GLIS3: variants seen among roughly 807,000 people sequenced by gnomAD.
GLIS3 encodes the protein zinc finger protein GLIS3.
In GLIS3, 53 loss-of-function variants were observed where a neutral mutation model predicts 78.6. The observed-to-expected ratio is 0.67, with a 90% CI of 0.54 to 0.85. GLIS3 has a LOEUF of 0.85. Ranked by LOEUF, GLIS3 falls within the 40% of genes least tolerant of loss-of-function variation. The pLI is 0.00. For synonymous variants in GLIS3, 684 were observed against 509.9 expected, an observed-to-expected ratio of 1.34 and a Z score of -4.60; for missense variants, 1,703 against 1,231.1, an observed-to-expected ratio of 1.38 and a Z score of -5.74.
Position 3,827,843 on chromosome 9 carries a change from A to AGG in GLIS3, c.*427_*428dup, listed in dbSNP as rs1817808009. 2 of 259,820 alleles carry AGG rather than the reference A, an allele frequency of 7.7e-6. No individual in the cohort carries two copies. The highest frequency in any genetic ancestry group is 1.9e-4 in the East Asian group (2 of 10,618). The allele number at this position is 259,820 out of a possible 1,614,324, so 16.1% of individuals were successfully genotyped here. On this transcript the variant is annotated 3_prime_UTR_variant, in exon 11 of 11. Transcript: ENST00000381971. Reference sequence around the variant, plus strand: ...GCCTGGCTTTGCATCAGGAGCAGCAAGGGTGAGGATTAGGTGAGGCAGGTC... The same window carrying AGG: ...GCCTGGCTTTGCATCAGGAGCAGCAAGGGGGTGAGGATTAGGTGAGGCAGGTC...
chr9:4,368,487 G>A, the GLIS3 span, among the ~76,000 whole-genome samples: 3 of 152,122 alleles, frequency 2.0e-5, no homozygotes, highest in Non-Finnish European at 2.9e-5. Context: ...CGGGACTACA[G>A]GTGCCCACCA....
intron 1 of GLIS3, among the ~76,000 whole-genome samples, chr9:4,288,216 G>A (rs1231277480): frequency 6.6e-6 from 1 of 152,170 alleles, no homozygotes; most frequent in Non-Finnish European, 1.5e-5. Flanking sequence ...TAATGTCTCT[G>A]TACTTTGCCA....
At chr9:3,964,170 G>A (rs191942300) in intron 4 of GLIS3, among the ~76,000 whole-genome samples, 1 of 151,698 alleles carries the variant, frequency 6.6e-6, no homozygotes, top group East Asian at 1.9e-4. Context: ...CAGATTGATG[G>A]GACTAATTTA....
Position 4,286,526 on chromosome 9 carries a change from G to T in GLIS3, c.-98-3C>A. 7.0e-7 allele frequency: 1 copy of T among 1,419,368 alleles called. No individual in the cohort carries two copies. The highest frequency in any genetic ancestry group is 9.7e-7 in the Non-Finnish European group (1 of 1,025,828). The allele number at this position is 1,419,368 out of a possible 1,614,324, so 87.9% of individuals were successfully genotyped here. On this transcript the variant is annotated splice_region_variant and splice_polypyrimidine_tract_variant and intron_variant, in intron 1 of 10. Transcript: ENST00000381971. ...TATCCATGGTGTGGGTTATAAGCCT[G>T]TTTAAAAAAATAAACGCAGGCATTT...
chr9:4,093,570 C>T (rs1342475541), intron 4 of GLIS3, among the ~76,000 whole-genome samples: 1 of 152,128 alleles, frequency 6.6e-6, no homozygotes, highest in East Asian at 1.9e-4. Context: ...TTTAAACTGG[C>T]AAGGAGCAAA....
intron 4 of GLIS3, among the ~76,000 whole-genome samples, chr9:4,047,643 G>A (rs1825362712): frequency 6.6e-6 from 1 of 152,150 alleles, no homozygotes; most frequent in Admixed American, 6.5e-5. Context: ...CTGACCTGAA[G>A]AAGCTCACAA....
chr9:3,898,857 GA>G, intron 6 of GLIS3, 22 bp from the exon 7 acceptor site: 1 of 1,613,650 alleles, frequency 6.2e-7, no homozygotes, highest in Non-Finnish European at 8.5e-7. Flanking sequence ...AAACGGAAGA[GA>G]CATCGATAAG....
At chr9:3,971,928 T>C (rs1818409914) in intron 4 of GLIS3, among the ~76,000 whole-genome samples, 1 of 152,276 alleles carries the variant, frequency 6.6e-6, no homozygotes, top group South Asian at 2.1e-4. Flanking sequence ...ATTGCTGTTT[T>C]GAGTGGCATG....
intron 4 of GLIS3, among the ~76,000 whole-genome samples, chr9:4,033,714 C>A (rs1038937020): frequency 1.3e-5 from 2 of 151,978 alleles, no homozygotes; most frequent in Non-Finnish European, 2.9e-5. Context: ...AAACAGGGAC[C>A]TATTTTGTCC....
intron 2 of GLIS3, among the ~76,000 whole-genome samples, chr9:4,166,758 C>G (rs887122478): frequency 5.3e-5 from 8 of 152,234 alleles, no homozygotes; most frequent in Non-Finnish European, 5.9e-5. Flanking sequence ...AACAGAGGGT[C>G]TTCAGTCTCA....
chr9:4,333,752 G>A (rs910736090), intron 2 of GLIS3, among the ~76,000 whole-genome samples: 9 of 13,914 alleles, frequency 6.5e-4, no homozygotes, highest in African/African-American at 1.7e-3. Flanking sequence ...CCCACCCCCC[G>A]CAACTTCATC....
intron 4 of GLIS3, among the ~76,000 whole-genome samples, chr9:3,938,175 TTA>T (rs375745584): frequency 1.3e-5 from 2 of 152,308 alleles, no homozygotes; most frequent in African/African-American, 4.8e-5. Context: ...CCCAGAATAG[TTA>T]TGTTACTTAG....
intron 10 of GLIS3, 86 bp downstream of exon 10, chr9:3,829,224 C>T (rs1336101481): frequency 4.3e-6 from 5 of 1,156,912 alleles, no homozygotes; most frequent in Middle Eastern, 1.9e-4. Flanking sequence ...TGCTTGGTCA[C>T]GTCCAGCCCA....
chr9:4,115,145 G>A lies in GLIS3; in HGVS notation c.1710+2623C>T, dbSNP rs182169411. Among the ~76,000 whole-genome samples the A allele has an allele frequency of 3.3e-5, 5 of 152,226 alleles. No individual in the cohort carries two copies. In the East Asian group the frequency reaches 9.6e-4, roughly 29 times the overall value. On this transcript the variant is annotated intron_variant, in intron 4 of 10. Coordinates refer to ENST00000381971, the MANE Select transcript of GLIS3 (RefSeq NM_001042413.2). ...AGCTCTTTGTGTTGCTTGTAGTCAT[G>A]GCCACCAAACACAATGTGGTCATCA...
chr9:4,377,896 T>A, the GLIS3 span, among the ~76,000 whole-genome samples: 1 of 152,150 alleles, frequency 6.6e-6, no homozygotes, highest in Non-Finnish European at 1.5e-5. Context: ...AACATGCTCT[T>A]AGAAGTTCAT....
chr9:4,125,738 T>G lies in GLIS3; in HGVS notation c.592A>C (p.Thr198Pro). The part of the protein sequence containing the change: ...AANLNIPPSD[T>P]RSLISRESLA... ...AAAAAAAAGTTAACTTGAGACCTGG[T>G]ATCTGAAGGAGGTATATTCAGGTTG... is the stretch of plus-strand genomic sequence containing the variant. Residue 198 changes from threonine to proline, a missense_variant, in exon 3 of 11, where the codon ACC becomes CCC. Physicochemically the swap from Thr to Pro is conservative, Grantham distance 38. Coordinates refer to ENST00000381971, the MANE Select transcript of GLIS3 (RefSeq NM_001042413.2). 6.2e-7 allele frequency: 1 copy of G among 1,612,440 alleles called. No individual in the cohort carries two copies. Among genetic ancestry groups the G allele is most frequent in the Non-Finnish European group, 8.5e-7 (1 of 1,179,044 alleles).
At chr9:4,382,530 G>T in the GLIS3 span, among the ~76,000 whole-genome samples, 1 of 152,034 alleles carries the variant, frequency 6.6e-6, no homozygotes, top group Non-Finnish European at 1.5e-5. Flanking sequence ...AATTCCTATG[G>T]TTCTTTTGTT....
chr9:4,088,023 C>A (rs1421765313), intron 4 of GLIS3, among the ~76,000 whole-genome samples: 2 of 152,196 alleles, frequency 1.3e-5, no homozygotes, highest in African/African-American at 4.8e-5. Flanking sequence ...CTCCTCAATG[C>A]CTTTGCCATA....
rs1477949047 is a variant in GLIS3, at chr9:4,168,643, AT to A, written c.389-42703del. Among the ~76,000 whole-genome samples the A allele has an allele frequency of 2.9e-4, 44 of 152,336 alleles. 1 individual carries two copies. The highest frequency in any genetic ancestry group is 1.1e-3 in the African/African-American group (44 of 41,582). On this transcript the variant is annotated intron_variant, in intron 2 of 10. Transcript: ENST00000381971. ...AAAACATTTTGAGAAATAAGCCAAC[AT>A]TTTTACTTTAAAAAAGATTTATGTA... is the stretch of plus-strand genomic sequence containing the variant.
Sources: allele counts gnomAD v4.1 joint callset (sites outside exome capture counted in the v4.1 genomes callset), GRCh38; gene constraint gnomAD v4.1.1; transcripts MANE v1.5; gene names NCBI Gene and HGNC (gene_info 2026-07-23, HGNC 2026-07-21).